The following AGPAT3 variants were observed in gnomAD, a reference collection of about 807,000 sequenced individuals.
The protein encoded by AGPAT3 is 1-acyl-sn-glycerol-3-phosphate acyltransferase gamma.
In AGPAT3, 5 loss-of-function variants were observed where a neutral mutation model predicts 47.3. The ratio of observed to expected loss-of-function variants is 0.11; its 90% CI spans 0.06 to 0.22. AGPAT3 has a LOEUF of 0.22. AGPAT3 is among the 10% of genes least tolerant of loss of function. AGPAT3 has a pLI of 1.00. For missense variants in AGPAT3, 315 were observed against 493.0 expected, an observed-to-expected ratio of 0.64 and a Z score of 3.42; for synonymous variants, 212 against 208.3, an observed-to-expected ratio of 1.02 and a Z score of -0.15.
intron 8 of AGPAT3, among the ~76,000 whole-genome samples, chr21:43,980,286 A>C (rs371889636): frequency 0.033 from 4,992 of 149,226 alleles, 110 homozygotes; most frequent in Middle Eastern, 0.058. Context: ...AAAAAAAAAA[A>C]AAAAACAAAA....
At chr21:43,906,808 G>C (rs1332450795) in intron 2 of AGPAT3, among the ~76,000 whole-genome samples, 1 of 152,236 alleles carries the variant, frequency 6.6e-6, no homozygotes, top group East Asian at 1.9e-4. Flanking sequence ...GAGCAGCATG[G>C]AATGAGCTGC....
At chr21:43,945,921 G>A (rs1735268581) in intron 2 of AGPAT3, among the ~76,000 whole-genome samples, 1 of 152,120 alleles carries the variant, frequency 6.6e-6, no homozygotes, top group African/African-American at 2.4e-5. Context: ...GCACCTGGTG[G>A]GGGCTGGACA....
chr21:43,942,776 T>G (rs767818764), intron 2 of AGPAT3, among the ~76,000 whole-genome samples: 6 of 152,188 alleles, frequency 3.9e-5, no homozygotes, highest in Non-Finnish European at 8.8e-5. Context: ...TGGGGTCTTG[T>G]CTTTAGCCCC....
At chr21:43,974,384 GGT>G (rs751516108) in intron 7 of AGPAT3, among the ~76,000 whole-genome samples, 7 of 151,490 alleles carry the variant, frequency 4.6e-5, no homozygotes, top group South Asian at 2.1e-4. Context: ...ATGTGTGTGT[GGT>G]GTGTGAGGTA....
chr21:43,900,418 G>A (rs2086322989), intron 1 of AGPAT3, among the ~76,000 whole-genome samples: 1 of 152,216 alleles, frequency 6.6e-6, no homozygotes, highest in South Asian at 2.1e-4. Flanking sequence ...ACAGTGACCA[G>A]AGAGGGGCAT....
rs561481613 is a variant in AGPAT3 at position 43,933,067 on chromosome 21, A to G, written c.-48-26567A>G. Among the ~76,000 whole-genome samples the G allele has an allele frequency of 1.4e-4, 21 of 152,296 alleles. No homozygotes were observed. The highest frequency in any genetic ancestry group is 2.4e-4 in the Non-Finnish European group (16 of 68,018). ...GTGCCTTTTCTCTGCGTTCTCGTCA[A>G]CACCTGTTACATTCGTCTTTTTGAT... On this transcript the variant is annotated intron_variant, in intron 2 of 9. Coordinates refer to ENST00000291572, the MANE Select transcript of AGPAT3 (RefSeq NM_020132.5). This position sits in a 1 kb window ranked among gnomAD's most constrained non-coding sequence, Gnocchi z 6.0.
intron 1 of AGPAT3, among the ~76,000 whole-genome samples, chr21:43,896,943 G>GTTTT (rs61657564): frequency 7.1e-5 from 3 of 42,338 alleles, no homozygotes; most frequent in Non-Finnish European, 1.3e-4. Context: ...TTGACAGTCC[G>GTTTT]TTTTTTTTTT....
intron 2 of AGPAT3, among the ~76,000 whole-genome samples, chr21:43,914,346 T>C (rs117327317): frequency 1.3e-5 from 2 of 152,346 alleles, no homozygotes; most frequent in South Asian, 4.1e-4. Context: ...GTCTTCCTTC[T>C]TTATGTTCTG....
At chr21:43,909,072 T>G (rs902250854) in intron 2 of AGPAT3, among the ~76,000 whole-genome samples, 4 of 152,060 alleles carry the variant, frequency 2.6e-5, no homozygotes, top group African/African-American at 9.7e-5. Context: ...TTACTTACTA[T>G]TTTTTTTCTT....
Position 43,908,065 on chromosome 21 carries a change from G to A in AGPAT3, c.-49+4046G>A, listed in dbSNP as rs945554106. On this transcript the variant is annotated intron_variant, in intron 2 of 9. Coordinates refer to ENST00000291572, the MANE Select transcript of AGPAT3 (RefSeq NM_020132.5). The surrounding 1 kb of genome is among the most constrained non-coding windows in gnomAD (Gnocchi z 4.9). Reference sequence around the variant, plus strand: ...GCGCTGGCTCAGGCACCCCAGGGACGCTTTCTCTTTCCGTGTGCTGGAAGA... The same window carrying A: ...GCGCTGGCTCAGGCACCCCAGGGACACTTTCTCTTTCCGTGTGCTGGAAGA... Among the ~76,000 whole-genome samples, 1 of 152,216 alleles carries A rather than the reference G, an allele frequency of 6.6e-6. No individual in the cohort carries two copies. The highest frequency in any genetic ancestry group is 2.4e-5 in the African/African-American group (1 of 41,448).
intron 2 of AGPAT3, among the ~76,000 whole-genome samples, chr21:43,926,636 CTTTTTTTTT>C (rs557494803): frequency 3.1e-4 from 27 of 86,538 alleles, no homozygotes; most frequent in African/African-American, 9.0e-4. Context: ...CTACGCTGGC[CTTTTTTTTT>C]TTTTTTTTTT....
chr21:43,979,168 C>T (rs759953700), intron 8 of AGPAT3, among the ~76,000 whole-genome samples: 25 of 151,926 alleles, frequency 1.6e-4, no homozygotes, highest in African/African-American at 4.6e-4. Context: ...GGCCTGGTGG[C>T]GCATGCCTGT....
In AGPAT3 at chr21:43,959,657, C is replaced by T. The variant is rs750659567; in HGVS notation, c.-25C>T. 5.0e-6 allele frequency: 8 copies of T among 1,610,052 alleles called. No homozygotes were observed. The highest frequency in any genetic ancestry group is 4.5e-5 in the East Asian group (2 of 44,884). ...AGGACGGCTGTCCTCAGCGAGGGGC[C>T]GTGCACCCGCTCCTGAGCAGCGCCA... On this transcript the variant is annotated 5_prime_UTR_variant, in exon 3 of 10. Coordinates refer to ENST00000291572, the MANE Select transcript of AGPAT3 (RefSeq NM_020132.5).
chr21:43,903,617 T>G (rs549431222), intron 1 of AGPAT3, among the ~76,000 whole-genome samples: 3 of 152,286 alleles, frequency 2.0e-5, no homozygotes, highest in Admixed American at 6.5e-5. Context: ...GGGCCCATGG[T>G]GGCCCCGCCT....
intron 2 of AGPAT3, among the ~76,000 whole-genome samples, chr21:43,956,207 C>T (rs531895134): frequency 1.4e-4 from 21 of 152,324 alleles, no homozygotes; most frequent in Admixed American, 1.2e-3. Context: ...TCAAGAAAGG[C>T]GTTCTGAAAC....
rs572753267 is a variant in AGPAT3 at position 43,959,778 on chromosome 21, C to T, written c.97C>T (p.Leu33=). Reference sequence around the variant, plus strand: ...TGGTCTGGTCATCAACTTCGTCCAGCTGTGCACGCTGGCGCTCTGGCCGGT... The same window carrying T: ...TGGTCTGGTCATCAACTTCGTCCAGTTGTGCACGCTGGCGCTCTGGCCGGT... The part of the protein sequence containing the change: ...VSGLVINFVQ[L]CTLALWPVSK... The change falls in exon 3 of 10, where the codon CTG becomes TTG. Residue 33 remains leucine (L), a synonymous_variant. Coordinates refer to ENST00000291572, the MANE Select transcript of AGPAT3 (RefSeq NM_020132.5). 1.5e-5 allele frequency: 24 copies of T among 1,613,678 alleles called. No individual in the cohort carries two copies. The East Asian group carries it at 4.5e-4, about 30-fold the overall frequency.
Position 43,955,264 on chromosome 21 carries a change from G to A in AGPAT3, c.-48-4370G>A, listed in dbSNP as rs2088393590. 2.5e-6 allele frequency: 3 copies of A among 1,181,032 alleles called. No homozygotes were observed. Among genetic ancestry groups the A allele is most frequent in the African/African-American group, 3.2e-5 (2 of 62,756 alleles). 73.2% of individuals were successfully genotyped at this position (1,181,032 alleles called of 1,614,324 possible). A position where few individuals can be genotyped will look rare whatever the true frequency, so the allele number is the denominator to read the frequency against. On this transcript the variant is annotated intron_variant, in intron 2 of 9. Transcript: ENST00000291572. This position sits in a 1 kb window ranked among gnomAD's most constrained non-coding sequence, Gnocchi z 4.1. ...AAAGGTAAATTAACCTATAGAGCTG[G>A]AAAGCTGACCTGCATTGTCAGGCTG...
intron 1 of AGPAT3, among the ~76,000 whole-genome samples, chr21:43,876,741 G>A (rs1275129351): frequency 6.6e-6 from 1 of 152,122 alleles, no homozygotes; most frequent in Non-Finnish European, 1.5e-5. Flanking sequence ...AAAACTACCT[G>A]GTGGAGGACA....
chr21:43,956,277 T>G (rs1197267646), intron 2 of AGPAT3, among the ~76,000 whole-genome samples: 1 of 150,982 alleles, frequency 6.6e-6, no homozygotes, highest in Non-Finnish European at 1.5e-5. Context: ...CTGCCCACCC[T>G]GGGGGGGCTG....
Sources: allele counts gnomAD v4.1 joint callset (sites outside exome capture counted in the v4.1 genomes callset), GRCh38; gene constraint gnomAD v4.1.1; non-coding constraint Gnocchi (gnomAD v3.1); transcripts MANE v1.5; gene names NCBI Gene and HGNC (gene_info 2026-07-23, HGNC 2026-07-21).